The following RCAN2 variants were observed in gnomAD, a reference collection of about 807,000 sequenced individuals.
RCAN2 encodes the protein regulator of calcineurin 2, also known as calcipressin-2.
RCAN2 carries 9 observed loss-of-function variants against 23.6 expected under a neutral mutation model. The observed-to-expected ratio is 0.38, with a 90% CI of 0.23 to 0.67. The LOEUF (loss-of-function observed/expected upper bound fraction) is 0.67. Ranked by LOEUF, RCAN2 falls within the 30% of genes least tolerant of loss-of-function variation. The pLI is 0.51. For missense variants in RCAN2, 273 were observed against 302.3 expected, an observed-to-expected ratio of 0.90 and a Z score of 0.72; for synonymous variants, 109 against 115.7, an observed-to-expected ratio of 0.94 and a Z score of 0.37.
intron 2 of RCAN2, among the ~76,000 whole-genome samples, chr6:46,451,717 A>G (rs1407217855): frequency 1.3e-5 from 2 of 152,166 alleles, no homozygotes; most frequent in African/African-American, 4.8e-5. Context: ...GATTTAGTGG[A>G]TATGCTGAAT....
At chr6:46,308,535 T>C (rs917045929) in intron 2 of RCAN2, among the ~76,000 whole-genome samples, 12 of 152,066 alleles carry the variant, frequency 7.9e-5, no homozygotes, top group African/African-American at 2.9e-4. Context: ...AGCACAAGAC[T>C]AATGAATGAG....
At chr6:46,483,235 T>C (rs1003220474) in intron 1 of RCAN2, among the ~76,000 whole-genome samples, 1 of 152,222 alleles carries the variant, frequency 6.6e-6, no homozygotes, top group Non-Finnish European at 1.5e-5. Flanking sequence ...CTGAAGGAAG[T>C]AGTTGTTGGC....
intron 4 of RCAN2, among the ~76,000 whole-genome samples, chr6:46,226,052 C>T (rs572153748): frequency 4.7e-4 from 72 of 152,224 alleles, no homozygotes; most frequent in Middle Eastern, 3.4e-3. Context: ...AATCCTTTCC[C>T]CATTGCTTGT....
At chr6:46,443,012 C>A (rs1046727589) in intron 2 of RCAN2, among the ~76,000 whole-genome samples, 1 of 152,100 alleles carries the variant, frequency 6.6e-6, no homozygotes, top group African/African-American at 2.4e-5. Context: ...GGGTCTCAGT[C>A]ACTGTTCAGG....
intron 2 of RCAN2, chr6:46,325,442 A>G: frequency 6.2e-7 from 1 of 1,614,206 alleles, no homozygotes; most frequent in Non-Finnish European, 8.5e-7. Flanking sequence ...ACAGGCAACC[A>G]GAGTGGAAAC....
intron 2 of RCAN2, among the ~76,000 whole-genome samples, chr6:46,432,760 A>G (rs1767252129): frequency 1.3e-5 from 2 of 152,158 alleles, no homozygotes; most frequent in African/African-American, 4.8e-5. Context: ...TGAGGGAGGC[A>G]GCTTATCTGA....
chr6:46,290,468 T>C (rs764358670), intron 2 of RCAN2, among the ~76,000 whole-genome samples: 3 of 152,200 alleles, frequency 2.0e-5, no homozygotes, highest in South Asian at 2.1e-4. Flanking sequence ...TATTGTTCTG[T>C]TCAGTGATAA....
chr6:46,242,973 T>A (rs1432909965), intron 4 of RCAN2, among the ~76,000 whole-genome samples: 1 of 152,244 alleles, frequency 6.6e-6, no homozygotes, highest in Non-Finnish European at 1.5e-5. Context: ...ACATGCATTC[T>A]TTCCCTCAGT....
intron 4 of RCAN2, among the ~76,000 whole-genome samples, chr6:46,236,384 C>T (rs1465588251): frequency 6.6e-6 from 1 of 151,896 alleles, no homozygotes; most frequent in South Asian, 2.1e-4. Flanking sequence ...TTCTATACCT[C>T]TATTTCCATG....
chr6:46,279,651 G>T lies in RCAN2; in HGVS notation c.226-30755C>A, dbSNP rs547785094. On this transcript the variant is annotated intron_variant, in intron 2 of 4. Coordinates refer to ENST00000371374, the MANE Select transcript of RCAN2 (RefSeq NM_001251974.2). The stretch of plus-strand genomic sequence containing the variant: ...CATCTCCATTTGTCAGTTGAATCGG[G>T]GGAAGTATGGTATATATGTGGCTAT... 7.2e-5 allele frequency among the ~76,000 whole-genome samples: 11 copies of T among 152,284 alleles called. No homozygotes were observed. In the South Asian group the frequency reaches 1.0e-3, roughly 14 times the overall value.
At chr6:46,431,566 C>T (rs9357507) in intron 2 of RCAN2, among the ~76,000 whole-genome samples, 55,338 of 152,040 alleles carry the variant, frequency 0.36, 12,361 homozygotes, top group East Asian at 0.6. Flanking sequence ...GGCATCTGAA[C>T]GACTCAAATA....
chr6:46,236,366 C>T (rs1471562794), intron 4 of RCAN2, among the ~76,000 whole-genome samples: 2 of 152,022 alleles, frequency 1.3e-5, no homozygotes, highest in African/African-American at 2.4e-5. Context: ...TTCCTCTTTC[C>T]TAACCTTTTC....
At chr6:46,242,468 G>A (rs927317938) in intron 4 of RCAN2, among the ~76,000 whole-genome samples, 8 of 152,186 alleles carry the variant, frequency 5.3e-5, no homozygotes, top group Non-Finnish European at 4.4e-5. Context: ...TCTTTAGACT[G>A]ACTTTTTCCC....
intron 1 of RCAN2, among the ~76,000 whole-genome samples, chr6:46,473,112 T>G (rs2141222): frequency 0.58 from 88,231 of 152,034 alleles, 26,262 homozygotes; most frequent in South Asian, 0.66. Context: ...GTTTGATTAG[T>G]TATATGCATG....
At chr6:46,450,760 A>G (rs915957732) in intron 2 of RCAN2, among the ~76,000 whole-genome samples, 3 of 152,090 alleles carry the variant, frequency 2.0e-5, no homozygotes, top group African/African-American at 7.2e-5. Context: ...CCGAGAGTAG[A>G]ATGGTACTTA....
chr6:46,305,111 C>A (rs937469589), intron 2 of RCAN2, among the ~76,000 whole-genome samples: 4 of 152,090 alleles, frequency 2.6e-5, no homozygotes, highest in African/African-American at 7.2e-5. Flanking sequence ...AGTTTGCAAC[C>A]TGAGGACCTC....
chr6:46,434,064 T>C (rs1767294421), intron 2 of RCAN2, among the ~76,000 whole-genome samples: 2 of 152,224 alleles, frequency 1.3e-5, no homozygotes, highest in Admixed American at 6.5e-5. Flanking sequence ...TAATTTATCA[T>C]TGGTACTTTA....
At chr6:46,453,193 A>G (rs2150430251) in intron 2 of RCAN2, among the ~76,000 whole-genome samples, 1 of 152,306 alleles carries the variant, frequency 6.6e-6, no homozygotes, top group South Asian at 2.1e-4. Flanking sequence ...AGAGAAATGT[A>G]CCCTAGTAAT....
chr6:46,228,698 C>G (rs1225323578), intron 4 of RCAN2, among the ~76,000 whole-genome samples: 1 of 152,138 alleles, frequency 6.6e-6, no homozygotes, highest in African/African-American at 2.4e-5. Context: ...CTCCTGAATA[C>G]AGCACACTGA....
Sources: gnomAD v4.1 joint callset for allele counts (sites outside exome capture counted in the v4.1 genomes callset) on GRCh38, gnomAD v4.1.1 for gene constraint, MANE v1.5 for transcripts, NCBI Gene and HGNC (gene_info 2026-07-23, HGNC 2026-07-21) for gene names.